SRFBP1: variants seen among roughly 807,000 people sequenced by gnomAD.
SRFBP1 encodes the protein serum response factor-binding protein 1.
Under a neutral mutation model 45.5 loss-of-function variants are expected in SRFBP1, and 47 were observed. The ratio of observed to expected loss-of-function variants is 1.03; its 90% confidence interval spans 0.82 to 1.32. SRFBP1 has a LOEUF of 1.32. SRFBP1 is among the 40% of genes most tolerant of loss of function. The pLI is 0.00. For missense variants in SRFBP1, 621 were observed against 484.6 expected, an observed-to-expected ratio of 1.28 and a Z score of -2.64; for synonymous variants, 203 against 166.3, an observed-to-expected ratio of 1.22 and a Z score of -1.70.
At chr5:122,045,552 CATT>C (rs1241240205) in intron 2 of SRFBP1, among the ~76,000 whole-genome samples, 1 of 152,074 alleles carries the variant, frequency 6.6e-6, no homozygotes, top group Non-Finnish European at 1.5e-5. Flanking sequence ...TTATAATTCT[CATT>C]GTAGAGATCT....
At position 121,962,061 on chromosome 5, in the gene SRFBP1, A is replaced by G. The variant is rs202222308; in HGVS notation, c.29A>G (p.Asn10Ser). Residue 10 changes from asparagine to serine, a missense_variant, in exon 1 of 8, where the codon AAT (asparagine) becomes AGT (serine). Physicochemically the swap from Asn to Ser is conservative, Grantham distance 46. Coordinates refer to ENST00000339397, the MANE Select transcript of SRFBP1 (RefSeq NM_152546.3). Reference protein sequence around the residue: MAQPGTLNLNNEVVKMRKEV... With the variant: MAQPGTLNLSNEVVKMRKEV... ...GCTCAGCCGGGAACTCTGAACCTCA[A>G]TAACGAGGTGAGCGCCGAGGAACCT... 7 of 1,613,980 alleles carry G rather than the reference A, an allele frequency of 4.3e-6. No homozygotes were observed. The African/African-American group carries it at 5.3e-5, about 12-fold the overall frequency.
Position 121,975,347 on chromosome 5 carries a change from G to C in SRFBP1, c.158G>C (p.Arg53Thr). 6.2e-7 allele frequency: 1 copy of C among 1,613,368 alleles called. No homozygotes were observed. The highest frequency in any genetic ancestry group is 1.1e-5 in the South Asian group (1 of 91,070). Residue 53 changes from arginine (R) to threonine (T), a missense_variant, in exon 3 of 8, where the codon AGA becomes ACA. Transcript: ENST00000339397. Reference sequence around the variant, plus strand: ...GAAGATGCACTGTTAAAAAACCAAAGACGGGCGCAAAGATTGCTTGAAGAA... The same window carrying C: ...GAAGATGCACTGTTAAAAAACCAAACACGGGCGCAAAGATTGCTTGAAGAA... Reference protein sequence around the residue: ...GTEDALLKNQRRAQRLLEEIH... With the variant: ...GTEDALLKNQTRAQRLLEEIH...
At chr5:121,963,717 T>A (rs939159488) in intron 1 of SRFBP1, among the ~76,000 whole-genome samples, 42 of 152,170 alleles carry the variant, frequency 2.8e-4, no homozygotes, top group African/African-American at 1.0e-3. Flanking sequence ...AGCACATATG[T>A]TTACTAGGTG....
chr5:122,024,193 A>G (rs1328810777), intron 7 of SRFBP1, among the ~76,000 whole-genome samples: 1 of 152,214 alleles, frequency 6.6e-6, no homozygotes, highest in Non-Finnish European at 1.5e-5. Flanking sequence ...CTTTCCAGCC[A>G]GTTACCTTTG....
downstream of SRFBP1, chr5:122,077,163 C>A (rs538000402): frequency 3.5e-5 from 52 of 1,465,790 alleles, no homozygotes; most frequent in South Asian, 6.7e-4. The surrounding 1 kb of genome is among the most constrained non-coding windows in gnomAD (Gnocchi z 4.9). Context: ...GACTGCAAAG[C>A]AATGTGAAAA....
At chr5:122,046,465 G>A (rs975465780) in intron 2 of SRFBP1, among the ~76,000 whole-genome samples, 3 of 152,116 alleles carry the variant, frequency 2.0e-5, no homozygotes, top group African/African-American at 7.2e-5. Context: ...ATTTGGGTTG[G>A]TTCCAAGTCT....
chr5:121,970,050 G>A (rs972861000), intron 1 of SRFBP1, among the ~76,000 whole-genome samples: 10 of 152,052 alleles, frequency 6.6e-5, no homozygotes, highest in Admixed American at 2.0e-4. Context: ...GTATTGGTGT[G>A]TTAGGCCTGT....
At chr5:121,967,872 C>T (rs1316726122) in intron 1 of SRFBP1, among the ~76,000 whole-genome samples, 1 of 152,182 alleles carries the variant, frequency 6.6e-6, no homozygotes, top group African/African-American at 2.4e-5. Context: ...ATTTTGTTAA[C>T]TATGAATTAC....
chr5:122,052,625 C>T lies in SRFBP1; in HGVS notation n.312-22690C>T, dbSNP rs141300224. 5.7e-3 allele frequency among the ~76,000 whole-genome samples: 873 copies of T among 152,152 alleles called. 7 individuals carry two copies. Among genetic ancestry groups the T allele is most frequent in the Non-Finnish European group, 6.9e-3 (467 of 67,992 alleles). ...TCAGTTTAGTTCTTTTTTATAATGG[C>T]GATTTCATCTGTCAGCTCCTGTATC... On this transcript the variant is annotated intron_variant and non_coding_transcript_variant, in intron 2 of 2. Transcript: ENST00000504881.
At chr5:122,021,309 C>T (rs983878986) in intron 6 of SRFBP1, among the ~76,000 whole-genome samples, 3 of 152,126 alleles carry the variant, frequency 2.0e-5, no homozygotes, top group African/African-American at 7.2e-5. Context: ...CTCTGTTGCT[C>T]ACCACTTTTC....
chr5:122,019,121 A>G (rs186318605), intron 4 of SRFBP1, 139 bp from the exon 5 acceptor site: 4 of 696,454 alleles, frequency 5.7e-6, no homozygotes, highest in African/African-American at 3.9e-5. Context: ...TTATACAGAT[A>G]TCTTATCTAA....
intron 4 of SRFBP1, among the ~76,000 whole-genome samples, chr5:122,017,004 G>T (rs1264546530): frequency 6.6e-6 from 1 of 152,166 alleles, no homozygotes; most frequent in East Asian, 1.9e-4. Flanking sequence ...GCCGAGGCAG[G>T]TGGATCACAA....
chr5:122,052,851 T>C (rs1372628841), intron 2 of SRFBP1, among the ~76,000 whole-genome samples: 1 of 152,218 alleles, frequency 6.6e-6, no homozygotes, highest in African/African-American at 2.4e-5. Flanking sequence ...GTGCTGGTTA[T>C]TTCTCATTTG....
intron 2 of SRFBP1, among the ~76,000 whole-genome samples, chr5:122,055,524 T>C (rs1265884512): frequency 6.6e-6 from 1 of 152,194 alleles, no homozygotes; most frequent in Admixed American, 6.5e-5. Flanking sequence ...GTTTTAAAAG[T>C]TGTCCAGCAT....
At chr5:121,978,505 T>C (rs78343908) in intron 3 of SRFBP1, among the ~76,000 whole-genome samples, 7 of 152,188 alleles carry the variant, frequency 4.6e-5, no homozygotes, top group African/African-American at 1.4e-4. Context: ...CTTTTTTTTT[T>C]ACTTGAGATG....
At chr5:122,019,383 T>C (rs1465633058) in intron 5 of SRFBP1, 42 bp downstream of exon 5, 1 of 1,483,026 alleles carries the variant, frequency 6.7e-7, no homozygotes, top group African/African-American at 1.4e-5. Flanking sequence ...TTAATGTATT[T>C]GTAGACTTTG....
chr5:121,968,298 A>T (rs1454958777), intron 1 of SRFBP1, among the ~76,000 whole-genome samples: 1 of 151,590 alleles, frequency 6.6e-6, no homozygotes, highest in Non-Finnish European at 1.5e-5. Flanking sequence ...CAGCAGAAAT[A>T]CACTGGATGT....
At chr5:122,014,991 T>C (rs567830687) in intron 4 of SRFBP1, among the ~76,000 whole-genome samples, 8 of 152,336 alleles carry the variant, frequency 5.3e-5, no homozygotes, top group South Asian at 4.1e-4. Flanking sequence ...GAATTTCTTA[T>C]GTCTGTTTTA....
At chr5:121,977,032 A>G (rs1017152748) in intron 3 of SRFBP1, among the ~76,000 whole-genome samples, 18 of 152,036 alleles carry the variant, frequency 1.2e-4, no homozygotes, top group African/African-American at 4.3e-4. Context: ...TTAATTAGAA[A>G]GAAAAGTTGT....
Sources: allele counts gnomAD v4.1 joint callset (sites outside exome capture counted in the v4.1 genomes callset), GRCh38; gene constraint gnomAD v4.1.1; non-coding constraint Gnocchi (gnomAD v3.1); transcripts MANE v1.5; gene names NCBI Gene and HGNC (gene_info 2026-07-23, HGNC 2026-07-21).